SNRPG: variants seen among roughly 807,000 people sequenced by gnomAD.
SNRPG encodes small nuclear ribonucleoprotein G.
Under a neutral mutation model 13.9 loss-of-function variants are expected in SNRPG, and 3 were observed. The observed-to-expected ratio is 0.22, with a 90% CI of 0.10 to 0.56. SNRPG has a LOEUF of 0.56. SNRPG is among the 20% of genes least tolerant of loss of function. The pLI is 0.93. For missense variants in SNRPG, 34 were observed against 96.1 expected (o/e 0.35, Z 2.70); for synonymous variants, 29 against 29.3 (o/e 0.99, Z 0.03).
chr2:70,287,013 T>G (rs1457916465), intron 3 of SNRPG, among the ~76,000 whole-genome samples: 1 of 152,344 alleles, frequency 6.6e-6, no homozygotes, highest in East Asian at 1.9e-4. Flanking sequence ...CAAGTCAATT[T>G]ACATGAAACT....
At chr2:70,291,627 A>C (rs537100745) in intron 1 of SNRPG, among the ~76,000 whole-genome samples, 27 of 152,276 alleles carry the variant, frequency 1.8e-4, no homozygotes, top group African/African-American at 6.5e-4. Context: ...AATGGTGTAA[A>C]AGAAGATGCT....
intron 3 of SNRPG, among the ~76,000 whole-genome samples, chr2:70,285,287 G>A (rs114472288): frequency 1.5e-4 from 23 of 152,190 alleles, no homozygotes; most frequent in Admixed American, 1.2e-3. Context: ...AAAGAAGTTC[G>A]TGCTGGCCAG....
At chr2:70,286,743 G>T (rs961549625) in intron 3 of SNRPG, among the ~76,000 whole-genome samples, 1 of 152,228 alleles carries the variant, frequency 6.6e-6, no homozygotes, top group African/African-American at 2.4e-5. Context: ...CCAATGAGCA[G>T]TGTGTTACAT....
intron 3 of SNRPG, among the ~76,000 whole-genome samples, chr2:70,286,373 C>T (rs1573993091): frequency 6.6e-6 from 1 of 152,252 alleles, no homozygotes; most frequent in East Asian, 1.9e-4. Context: ...TATTTGTTTC[C>T]CTTCTTCCAA....
intron 1 of SNRPG, among the ~76,000 whole-genome samples, chr2:70,290,061 G>A (rs1366752144): frequency 6.9e-6 from 1 of 144,184 alleles, no homozygotes; most frequent in Non-Finnish European, 1.5e-5. Context: ...GGCTGGTCCT[G>A]AATTCCTGGC....
intron 3 of SNRPG, among the ~76,000 whole-genome samples, chr2:70,282,569 C>A (rs1185625402): frequency 6.6e-6 from 1 of 152,164 alleles, no homozygotes; most frequent in East Asian, 1.9e-4. Context: ...GGCATTCAAT[C>A]TTGGAAAGCT....
At chr2:70,288,690 T>G (rs1056284285) in intron 2 of SNRPG, among the ~76,000 whole-genome samples, 3 of 152,340 alleles carry the variant, frequency 2.0e-5, no homozygotes, top group Admixed American at 2.0e-4. Context: ...GTGGGTCAGA[T>G]TTTTAGATAA....
intron 3 of SNRPG, among the ~76,000 whole-genome samples, chr2:70,284,914 G>A (rs1396493692): frequency 6.6e-6 from 1 of 152,160 alleles, no homozygotes; most frequent in Non-Finnish European, 1.5e-5. Context: ...ACATCCGTAA[G>A]TTTTACACTG....
In SNRPG at chr2:70,286,677, T is replaced by C. The variant is rs80176981; in HGVS notation, c.180+1391A>G. 5.0e-3 allele frequency among the ~76,000 whole-genome samples: 768 copies of C among 152,222 alleles called. 8 individuals carry two copies. Among genetic ancestry groups the C allele is most frequent in the African/African-American group, 0.018 (730 of 41,532 alleles). ...TTCTGTGCAAAGAAAATAAAGTCCATAAAGTTTAGGGGGAAAATTGCCAGA... is the reference window on the plus strand; with the variant it reads ...TTCTGTGCAAAGAAAATAAAGTCCACAAAGTTTAGGGGGAAAATTGCCAGA... On this transcript the variant is annotated intron_variant, in intron 3 of 3. Transcript: ENST00000272348.
intron 2 of SNRPG, 22 bp from the exon 3 acceptor site, chr2:70,288,214 G>A: frequency 6.2e-7 from 1 of 1,606,248 alleles, no homozygotes; most frequent in South Asian, 1.1e-5. Flanking sequence ...AGAAAAAGAA[G>A]TTTTAGAAAA....
intron 1 of SNRPG, chr2:70,293,325 A>T (rs1369506075): frequency 3.1e-6 from 2 of 650,532 alleles, no homozygotes; most frequent in Non-Finnish European, 5.6e-6. Context: ...AGCACTGGAG[A>T]TCTTCAAGGA....
chr2:70,282,908 A>C (rs1696831993), intron 3 of SNRPG, among the ~76,000 whole-genome samples: 1 of 152,046 alleles, frequency 6.6e-6, no homozygotes, highest in Admixed American at 6.6e-5. Context: ...ATCCTGGCCA[A>C]CATGGAGAAA....
At chr2:70,293,589 A>G (rs1446954893) in intron 1 of SNRPG, 29 bp downstream of exon 1, 3 of 1,602,444 alleles carry the variant, frequency 1.9e-6, no homozygotes, top group South Asian at 2.2e-5. Flanking sequence ...ATAACTGACC[A>G]CTTCGGTTTG....
chr2:70,282,687 T>C (rs1696823389), intron 3 of SNRPG, among the ~76,000 whole-genome samples: 1 of 152,076 alleles, frequency 6.6e-6, no homozygotes, highest in South Asian at 2.1e-4. Flanking sequence ...CAAGATATTA[T>C]ATAAATACGC....
chr2:70,291,910 A>C (rs1697107475), intron 1 of SNRPG, among the ~76,000 whole-genome samples: 1 of 151,716 alleles, frequency 6.6e-6, no homozygotes, highest in Non-Finnish European at 1.5e-5. Context: ...CTTTCAGATA[A>C]AAAGAGTAAT....
At chr2:70,282,806 T>C (rs1405203459) in intron 3 of SNRPG, among the ~76,000 whole-genome samples, 1 of 152,008 alleles carries the variant, frequency 6.6e-6, no homozygotes, top group Non-Finnish European at 1.5e-5. Context: ...AAGATAAGAA[T>C]ATTTATCGGG....
intron 2 of SNRPG, among the ~76,000 whole-genome samples, chr2:70,288,625 G>A (rs1163116334): frequency 6.6e-6 from 1 of 152,260 alleles, no homozygotes; most frequent in South Asian, 2.1e-4. Flanking sequence ...CAAGCTGAAG[G>A]CTGCTTACCT....
chr2:70,282,643 C>T (rs769741669), intron 3 of SNRPG, among the ~76,000 whole-genome samples: 1 of 152,092 alleles, frequency 6.6e-6, no homozygotes, highest in Non-Finnish European at 1.5e-5. Flanking sequence ...GAGAGTTTCA[C>T]TTGGGGGAAT....
At position 70,289,341 on chromosome 2, in the gene SNRPG, C is replaced by A. The variant is rs1418204569; in HGVS notation, c.55+9G>T. ...ATTAAAAAAAACCCCAAAACAACAA[C>A]AAACTTACATGATAACTTCTTGTCC... On this transcript the variant is annotated intron_variant, in intron 2 of 3. Transcript: ENST00000272348. 1.4e-6 allele frequency: 2 copies of A among 1,413,518 alleles called. No homozygotes were observed. Among genetic ancestry groups the A allele is most frequent in the East Asian group, 2.4e-5 (1 of 41,696 alleles). 87.6% of individuals were successfully genotyped at this position (1,413,518 alleles called of 1,614,324 possible).
Sources: allele counts gnomAD v4.1 joint callset (sites outside exome capture counted in the v4.1 genomes callset), GRCh38; gene constraint gnomAD v4.1.1; transcripts MANE v1.5; gene names NCBI Gene and HGNC (gene_info 2026-07-23, HGNC 2026-07-21).